UBAP1: variants seen among roughly 807,000 people sequenced by gnomAD.
UBAP1 encodes the protein ubiquitin associated protein 1, also known as ubiquitin-associated protein 1.
UBAP1 carries 5 observed loss-of-function variants against 39.0 expected under a neutral mutation model. The observed-to-expected ratio is 0.13, with a 90% CI of 0.07 to 0.27. The LOEUF (loss-of-function observed/expected upper bound fraction) is 0.27, where lower values mean the gene tolerates loss of function less well. UBAP1 is among the 10% of genes least tolerant of loss of function. The probability of loss-of-function intolerance (pLI) is 1.00; values close to 1 mark genes in which losing one functional copy is unlikely to be tolerated. For synonymous variants in UBAP1, 211 were observed against 225.1 expected (o/e 0.94, Z 0.56); for missense variants, 490 against 608.1 (o/e 0.81, Z 2.04).
At chr9:34,183,836 T>C (rs536323435) in intron 1 of UBAP1, among the ~76,000 whole-genome samples, 2 of 151,232 alleles carry the variant, frequency 1.3e-5, no homozygotes, top group Admixed American at 1.3e-4. Context: ...AATGGCGCCA[T>C]CTCAGCTCAC....
intron 1 of UBAP1, among the ~76,000 whole-genome samples, chr9:34,217,924 ATTT>A (rs989191461): frequency 6.9e-6 from 1 of 145,642 alleles, no homozygotes; most frequent in African/African-American, 2.5e-5. Flanking sequence ...GATTTCATTC[ATTT>A]TTTTATGGTG....
chr9:34,215,261 A>G (rs773023679), intron 1 of UBAP1, among the ~76,000 whole-genome samples: 47 of 152,086 alleles, frequency 3.1e-4, no homozygotes, highest in Non-Finnish European at 5.6e-4. Context: ...CTGTGTGTAT[A>G]TATGTATATA....
At chr9:34,234,636 TAG>T (rs202075414) in intron 3 of UBAP1, among the ~76,000 whole-genome samples, 110 of 151,946 alleles carry the variant, frequency 7.2e-4, no homozygotes, top group African/African-American at 2.5e-3. Flanking sequence ...AAAAAAATGA[TAG>T]ATATATATAT....
intron 2 of UBAP1, chr9:34,224,266 GGAC>G: frequency 2.1e-6 from 1 of 473,462 alleles, no homozygotes; most frequent in African/African-American, 2.0e-5. Flanking sequence ...GCGCATAGTG[GGAC>G]TCGTACCACT....
At chr9:34,246,839 C>T (rs1376376844) in intron 4 of UBAP1, among the ~76,000 whole-genome samples, 4 of 151,040 alleles carry the variant, frequency 2.6e-5, no homozygotes, top group Admixed American at 2.0e-4. Context: ...CTTTCACAAA[C>T]GTACTTTCCC....
Position 34,188,112 on chromosome 9 carries a change from TAAA to T in UBAP1, c.-8+8885_-8+8887del, listed in dbSNP as rs10712662. 1.2e-3 allele frequency among the ~76,000 whole-genome samples: 165 copies of T among 139,650 alleles called. 1 individual carries two copies. Among genetic ancestry groups the T allele is most frequent in the Middle Eastern group, 3.8e-3 (1 of 266 alleles). 91.6% of individuals were successfully genotyped at this position (139,650 alleles called of 152,430 possible). A position where few individuals can be genotyped will look rare whatever the true frequency, so the allele number is the denominator to read the frequency against. On this transcript the variant is annotated intron_variant, in intron 1 of 6. Coordinates refer to ENST00000297661, the MANE Select transcript of UBAP1 (RefSeq NM_016525.5). ...AAACATCTGAGTAATTTGGGTTCAC[TAAA>T]AAAAAAAAAAAAGAAATGTAAAACA...
At chr9:34,226,122 TGTGTG>T (rs2131591348) in intron 2 of UBAP1, among the ~76,000 whole-genome samples, 1 of 96,724 alleles carries the variant, frequency 1.0e-5, no homozygotes, top group Non-Finnish European at 2.4e-5. Context: ...TGTGTGTGTG[TGTGTG>T]TGTGTGTGTG....
rs1183871869 is a variant in UBAP1, at chr9:34,241,590, G to A, written c.565G>A (p.Gly189Arg). 2 of 1,614,082 alleles carry A rather than the reference G, an allele frequency of 1.2e-6. No homozygotes were observed. Among genetic ancestry groups the A allele is most frequent in the Admixed American group, 3.3e-5 (2 of 60,014 alleles). ...ELRNILVGTTGPIMAQLLDNN... is the reference protein window; with the variant it reads ...ELRNILVGTTRPIMAQLLDNN... The stretch of plus-strand genomic sequence containing the variant: ...GAGAAATATTCTGGTAGGAACCACT[G>A]GACCCATTATGGCTCAGTTATTGGA... The change falls in exon 4 of 7, where the codon GGA (glycine) becomes AGA (arginine). Residue 189 changes from glycine (G) to arginine (R), a missense_variant. Transcript: ENST00000297661.
At chr9:34,250,576 T>C (rs1478663715) in intron 5 of UBAP1, 82 bp from the exon 6 acceptor site, 2 of 1,147,562 alleles carry the variant, frequency 1.7e-6, no homozygotes, top group Non-Finnish European at 2.5e-6. Flanking sequence ...AGAACGGACT[T>C]CACACACTAG....
intron 4 of UBAP1, among the ~76,000 whole-genome samples, chr9:34,246,011 A>G (rs1587886248): frequency 6.6e-6 from 1 of 152,226 alleles, no homozygotes; most frequent in Admixed American, 6.5e-5. Flanking sequence ...TTTAAAAAGA[A>G]TAAGAAATAT....
intron 2 of UBAP1, among the ~76,000 whole-genome samples, chr9:34,225,959 G>A (rs1036776796): frequency 3.9e-5 from 6 of 151,908 alleles, no homozygotes; most frequent in Non-Finnish European, 8.8e-5. Flanking sequence ...CTTTATCGAG[G>A]TATAATTGAT....
intron 1 of UBAP1, among the ~76,000 whole-genome samples, chr9:34,188,467 C>T (rs529572566): frequency 4.2e-5 from 6 of 144,022 alleles, no homozygotes; most frequent in African/African-American, 1.5e-4. Context: ...GGATCTTGCC[C>T]TGGTACCCAG....
chr9:34,224,005 G>A, intron 2 of UBAP1: 2 of 469,194 alleles, frequency 4.3e-6, no homozygotes, highest in East Asian at 3.5e-5. Flanking sequence ...TCCGGACCTT[G>A]ATTTTCCTAA....
chr9:34,182,307 C>T (rs1439102782), intron 1 of UBAP1, among the ~76,000 whole-genome samples: 2 of 151,300 alleles, frequency 1.3e-5, no homozygotes, highest in African/African-American at 2.4e-5. Flanking sequence ...GCCTCAGCCT[C>T]CCAAGTAGCT....
At chr9:34,229,658 C>G (rs1488911120) in intron 2 of UBAP1, among the ~76,000 whole-genome samples, 4 of 151,814 alleles carry the variant, frequency 2.6e-5, no homozygotes, top group African/African-American at 9.7e-5. Context: ...CTGCCTCAGC[C>G]TCCTGAGTAG....
At position 34,242,052 on chromosome 9, in the gene UBAP1, C is replaced by T. The variant is rs1051913055; in HGVS notation, c.1027C>T (p.Leu343Phe). 4 of 1,613,950 alleles carry T rather than the reference C, an allele frequency of 2.5e-6. No individual in the cohort carries two copies. The highest frequency in any genetic ancestry group is 3.4e-6 in the Non-Finnish European group (4 of 1,179,820). The change falls in exon 4 of 7, where the codon CTC (leucine) becomes TTC (phenylalanine). Residue 343 changes from leucine to phenylalanine, a missense_variant. Transcript: ENST00000297661. ...PALTSSQMPS[L>F]SVLSVCTEES... ...CCTGACATCCTCCCAGATGCCTTCC[C>T]TCTCTGTTTTGTCTGTGTGCACAGA...
intron 3 of UBAP1, among the ~76,000 whole-genome samples, chr9:34,239,925 C>T (rs1282604938): frequency 6.6e-6 from 1 of 152,084 alleles, no homozygotes; most frequent in Admixed American, 6.6e-5. Context: ...GCTTTTTCTG[C>T]GTTCCAAGTA....
chr9:34,187,053 G>A (rs1350619436), intron 1 of UBAP1, among the ~76,000 whole-genome samples: 2 of 152,112 alleles, frequency 1.3e-5, no homozygotes, highest in Admixed American at 6.6e-5. Context: ...GATTACAGGT[G>A]CCTGCCACCA....
chr9:34,212,108 T>A (rs1832051064), intron 1 of UBAP1: 2 of 258,232 alleles, frequency 7.7e-6, no homozygotes, highest in Non-Finnish European at 1.6e-5. Flanking sequence ...AGCATATACT[T>A]ATTTTAGTGG....
Sources: gnomAD v4.1 joint callset for allele counts (sites outside exome capture counted in the v4.1 genomes callset) on GRCh38, gnomAD v4.1.1 for gene constraint, MANE v1.5 for transcripts, NCBI Gene and HGNC (gene_info 2026-07-23, HGNC 2026-07-21) for gene names.